The following ARHGAP19 variants were observed in gnomAD, a reference collection of about 807,000 sequenced individuals.
ARHGAP19 encodes the protein Rho GTPase activating protein 19.
Under a neutral mutation model 60.9 loss-of-function variants are expected in ARHGAP19, and 48 were observed. The ratio of observed to expected loss-of-function variants is 0.79; its 90% CI spans 0.62 to 1.00. The LOEUF (loss-of-function observed/expected upper bound fraction) is 1.00, where lower values mean the gene tolerates loss of function less well. ARHGAP19 is among the 50% of genes least tolerant of loss of function. ARHGAP19 has a pLI of 0.00. For synonymous variants in ARHGAP19, 209 were observed against 215.5 expected (o/e 0.97, Z 0.27); for missense variants, 562 against 597.2 (o/e 0.94, Z 0.61).
chr10:97,289,271 C>T (rs542338082), intron 1 of ARHGAP19, among the ~76,000 whole-genome samples: 163 of 152,116 alleles, frequency 1.1e-3, no homozygotes, highest in African/African-American at 3.7e-3. Context: ...CACGCCACCA[C>T]GCTCTGCTAA....
At position 97,246,280 on chromosome 10, in the gene ARHGAP19, C is replaced by A. The variant is rs746359494; in HGVS notation, c.985G>T (p.Ala329Ser). 3.7e-6 allele frequency: 6 copies of A among 1,613,462 alleles called. No homozygotes were observed. The highest frequency in any genetic ancestry group is 4.5e-5 in the East Asian group (2 of 44,894). The change falls in exon 7 of 12, where the codon GCA becomes TCA. Residue 329 changes from alanine (A) to serine (S), a missense_variant. Coordinates refer to ENST00000358531, the MANE Select transcript of ARHGAP19 (RefSeq NM_032900.6). ...CAGATTCCTATTCTTACCTTTGATG[C>A]CTGAGTTCTGGATCCCAAATAGTGC... ...RLHYLGSRTQ[A>S]SKDDLDLIAS...
intron 6 of ARHGAP19, among the ~76,000 whole-genome samples, chr10:97,247,352 A>C (rs375460477): frequency 6.6e-6 from 1 of 152,136 alleles, no homozygotes; most frequent in African/African-American, 2.4e-5. Context: ...ACTATGGACT[A>C]GAATCCTGTG....
At chr10:97,290,345 C>T (rs1425347609) in intron 1 of ARHGAP19, among the ~76,000 whole-genome samples, 1 of 152,228 alleles carries the variant, frequency 6.6e-6, no homozygotes, top group Non-Finnish European at 1.5e-5. Flanking sequence ...CTCCCATTGC[C>T]ACTCCCGATC....
chr10:97,273,980 AAC>A (rs887141522), intron 1 of ARHGAP19, among the ~76,000 whole-genome samples: 26 of 135,350 alleles, frequency 1.9e-4, no homozygotes, highest in Admixed American at 9.3e-4. Flanking sequence ...CACACACACA[AAC>A]ACACACACAC....
chr10:97,291,029 G>T (rs916980008), intron 1 of ARHGAP19, among the ~76,000 whole-genome samples: 4 of 152,076 alleles, frequency 2.6e-5, no homozygotes, highest in Non-Finnish European at 5.9e-5. Flanking sequence ...TAAACACGGG[G>T]CTTGCAACTT....
chr10:97,262,789 G>T (rs567555890), intron 4 of ARHGAP19, among the ~76,000 whole-genome samples: 1 of 151,900 alleles, frequency 6.6e-6, no homozygotes, highest in South Asian at 2.1e-4. Context: ...TGAAATATAT[G>T]AATCAATCCA....
At chr10:97,228,835 T>C (rs1344412682) in intron 11 of ARHGAP19, among the ~76,000 whole-genome samples, 1 of 152,230 alleles carries the variant, frequency 6.6e-6, no homozygotes, top group Non-Finnish European at 1.5e-5. Context: ...TTTCACAAAT[T>C]CATTTACACT....
intron 8 of ARHGAP19, among the ~76,000 whole-genome samples, chr10:97,237,938 ATACTT>A (rs1160762493): frequency 2.6e-5 from 4 of 152,272 alleles, no homozygotes; most frequent in African/African-American, 7.2e-5. Context: ...TTACCATACT[ATACTT>A]TTATCATCAT....
chr10:97,241,481 G>A lies in ARHGAP19; in HGVS notation c.1185+2487C>T, dbSNP rs377381375. Among the ~76,000 whole-genome samples the A allele has an allele frequency of 3.1e-4, 47 of 151,736 alleles. No individual in the cohort carries two copies. The South Asian group carries it at 8.3e-3, about 27-fold the overall frequency. Reference sequence around the variant, plus strand: ...TGTAATCCCAGAACTTTGGGAGGCCGAGGCAGGTGATCACTTGAGGTCAGG... The same window carrying A: ...TGTAATCCCAGAACTTTGGGAGGCCAAGGCAGGTGATCACTTGAGGTCAGG... On this transcript the variant is annotated intron_variant, in intron 8 of 11. Coordinates refer to ENST00000358531, the MANE Select transcript of ARHGAP19 (RefSeq NM_032900.6).
rs189104735 is a variant in ARHGAP19, at chr10:97,222,558, G to A, written c.*3564C>T. 2.6e-5 allele frequency: 4 copies of A among 152,442 alleles called. No individual in the cohort carries two copies. The East Asian group carries it at 7.7e-4, about 29-fold the overall frequency. The allele number at this position is 152,442 out of a possible 1,614,324, so 9.4% of individuals were successfully genotyped here. A position where few individuals can be genotyped will look rare whatever the true frequency, so the allele number is the denominator to read the frequency against. ...GCTGGCCTGCTTCTGTCAACTCTAC[G>A]CTGGTAGAAGATCTCGGCATTAGCT... On this transcript the variant is annotated 3_prime_UTR_variant, in exon 12 of 12. Coordinates refer to ENST00000358531, the MANE Select transcript of ARHGAP19 (RefSeq NM_032900.6).
In ARHGAP19 at chr10:97,238,804, G is replaced by A. The variant is rs12245663; in HGVS notation, c.1186-3489C>T. On this transcript the variant is annotated intron_variant, in intron 8 of 11. Transcript: ENST00000358531. The stretch of plus-strand genomic sequence containing the variant: ...TACAGTGATTATAAAGTCTACAGTC[G>A]TGTCAGCAATGTCCTAGGTCTTCAC... Among the ~76,000 whole-genome samples, 231 of 152,184 alleles carry A rather than the reference G, an allele frequency of 1.5e-3. 1 individual carries two copies. The highest frequency in any genetic ancestry group is 6.8e-3 in the Middle Eastern group (2 of 294).
rs116749818 is a variant in ARHGAP19, at chr10:97,231,125, C to G, written c.1285-1251G>C. Among the ~76,000 whole-genome samples, 396 of 135,060 alleles carry G rather than the reference C, an allele frequency of 2.9e-3. 3 individuals are homozygous for G. Among genetic ancestry groups the G allele is most frequent in the African/African-American group, 9.7e-3 (348 of 36,012 alleles). 88.6% of individuals were successfully genotyped at this position (135,060 alleles called of 152,430 possible). On this transcript the variant is annotated intron_variant, in intron 9 of 11. Coordinates refer to ENST00000358531, the MANE Select transcript of ARHGAP19 (RefSeq NM_032900.6). Reference sequence around the variant, plus strand: ...TAGAGGAACATTTATCTGACTATAACTTTTCTGATTCTCAATCATCTCTAT... The same window carrying G: ...TAGAGGAACATTTATCTGACTATAAGTTTTCTGATTCTCAATCATCTCTAT...
chr10:97,225,855 C>T lies in ARHGAP19; in HGVS notation c.*267G>A, dbSNP rs12572241. On this transcript the variant is annotated 3_prime_UTR_variant, in exon 12 of 12. Transcript: ENST00000358531. ...GAGCACTGAAGCCCACCTTAGTGTG[C>T]TGTATAAGCTGGTTGGATAGTTAGT... 12,982 of 445,696 alleles carry T rather than the reference C, an allele frequency of 0.029. 470 individuals carry two copies. The highest frequency in any genetic ancestry group is 0.15 in the East Asian group (4,158 of 27,816). The allele number at this position is 445,696 out of a possible 1,614,324, so 27.6% of individuals were successfully genotyped here. A position where few individuals can be genotyped will look rare whatever the true frequency, so the allele number is the denominator to read the frequency against.
intron 8 of ARHGAP19, among the ~76,000 whole-genome samples, chr10:97,241,877 G>A (rs1360822884): frequency 1.3e-5 from 2 of 150,506 alleles, no homozygotes; most frequent in Non-Finnish European, 3.0e-5. Flanking sequence ...GGGCATGGTG[G>A]CGGGCACCTG....
At chr10:97,227,749 G>A (rs1418671392) in intron 11 of ARHGAP19, among the ~76,000 whole-genome samples, 1 of 152,142 alleles carries the variant, frequency 6.6e-6, no homozygotes, top group African/African-American at 2.4e-5. Context: ...ATACACATAT[G>A]TACCTACACA....
chr10:97,284,047 C>A (rs111320344), intron 1 of ARHGAP19, among the ~76,000 whole-genome samples: 6,860 of 152,030 alleles, frequency 0.045, 261 homozygotes, highest in African/African-American at 0.1. Context: ...AATCTTCCCA[C>A]CTCATCCTCC....
intron 5 of ARHGAP19, among the ~76,000 whole-genome samples, chr10:97,259,178 A>G (rs1432150305): frequency 6.6e-6 from 1 of 152,212 alleles, no homozygotes; most frequent in Non-Finnish European, 1.5e-5. Context: ...TTCTACTAAT[A>G]CAATGCCATG....
intron 1 of ARHGAP19, among the ~76,000 whole-genome samples, chr10:97,288,223 T>G (rs1200603251): frequency 6.6e-6 from 1 of 152,114 alleles, no homozygotes; most frequent in East Asian, 1.9e-4. Context: ...TCTGTGCAAA[T>G]CAGACCATTT....
chr10:97,259,319 G>T, intron 5 of ARHGAP19, 83 bp downstream of exon 5: 1 of 1,115,974 alleles, frequency 9.0e-7, no homozygotes, highest in Non-Finnish European at 1.4e-6. Flanking sequence ...TTGGACCCTT[G>T]ATAATCTCAC....
Sources: gnomAD v4.1 joint callset for allele counts (sites outside exome capture counted in the v4.1 genomes callset) on GRCh38, gnomAD v4.1.1 for gene constraint, MANE v1.5 for transcripts, NCBI Gene and HGNC (gene_info 2026-07-23, HGNC 2026-07-21) for gene names.